Variants in RBM14 observed in about 807,000 individuals in gnomAD.
RBM14 encodes RNA binding motif protein 14.
In RBM14, 5 loss-of-function variants were observed where a neutral mutation model predicts 52.8. The observed-to-expected ratio is 0.09, with a 90% CI of 0.05 to 0.20. The LOEUF (loss-of-function observed/expected upper bound fraction) is 0.20, where lower values mean the gene tolerates loss of function less well. Ranked by LOEUF, RBM14 falls within the 10% of genes least tolerant of loss-of-function variation. The probability of loss-of-function intolerance (pLI) is 1.00; values close to 1 mark genes in which losing one functional copy is unlikely to be tolerated. For synonymous variants in RBM14, 411 were observed against 401.8 expected (o/e 1.02, Z -0.28); for missense variants, 780 against 926.6 (o/e 0.84, Z 2.05).
Position 66,629,425 on chromosome 11 carries a change from T to C in RBM14, c.*2757T>C, listed in dbSNP as rs556452673. ...TGTGTGCATGGTGGGCTTGAGACTC[T>C]CTTGTAATGGAGGTAATGGGACTAT... is the stretch of plus-strand genomic sequence containing the variant. On this transcript the variant is annotated 3_prime_UTR_variant, in exon 3 of 3. Coordinates refer to ENST00000310137, the MANE Select transcript of RBM14 (RefSeq NM_006328.4). Among the ~76,000 whole-genome samples, 2 of 152,188 alleles carry C rather than the reference T, an allele frequency of 1.3e-5. No individual in the cohort carries two copies. Among genetic ancestry groups the C allele is most frequent in the East Asian group, 1.9e-4 (1 of 5,196 alleles).
rs941048301 is a variant in RBM14, at chr11:66,628,257, A to T, written c.*1589A>T. ...GTAAATGGAAGACTGGTTGAGTGGG[A>T]TGATAATGGGAGAACTTACTGATGC... On this transcript the variant is annotated 3_prime_UTR_variant, in exon 3 of 3. Transcript: ENST00000310137. Among the ~76,000 whole-genome samples the T allele has an allele frequency of 1.3e-5, 2 of 152,070 alleles. No homozygotes were observed. The highest frequency in any genetic ancestry group is 4.8e-5 in the African/African-American group (2 of 41,394).
chr11:66,617,350 TTCTCCTGG>T (rs1858886776), intron 1 of RBM14: 5 of 1,241,470 alleles, frequency 4.0e-6, no homozygotes, highest in African/African-American at 1.6e-5. Flanking sequence ...GGGGCGCGCC[TTCTCCTGG>T]TCTCCTGGGC....
Position 66,624,772 on chromosome 11 carries a change from C to T in RBM14, c.896C>T (p.Ala299Val), listed in dbSNP as rs780935422. ...LASPSSQSAA[A>V]SSLGPYGGAQ... The stretch of plus-strand genomic sequence containing the variant: ...AGTCCTAGCTCCCAGTCTGCTGCAG[C>T]TTCTTCACTCGGCCCATATGGTGGA... Residue 299 changes from alanine to valine, a missense_variant, in exon 2 of 3, where the codon GCT becomes GTT. Physicochemically the swap from Ala to Val is moderately conservative, Grantham distance 64 (BLOSUM62 0). Coordinates refer to ENST00000310137, the MANE Select transcript of RBM14 (RefSeq NM_006328.4). This position sits in a 1 kb window ranked among gnomAD's most constrained non-coding sequence, Gnocchi z 4.7. 1.8e-5 allele frequency: 29 copies of T among 1,613,988 alleles called. No homozygotes were observed. Among genetic ancestry groups the T allele is most frequent in the East Asian group, 1.8e-4 (8 of 44,888 alleles).
At position 66,624,440 on chromosome 11, in the gene RBM14, G is replaced by A. The variant is rs1413653282; in HGVS notation, c.564G>A (p.Gln188=). The A allele has an allele frequency of 3.1e-6, 5 of 1,614,008 alleles. No individual in the cohort carries two copies. In the Admixed American group the frequency reaches 6.7e-5, roughly 22 times the overall value. Residue 188 remains glutamine, a synonymous_variant, in exon 2 of 3, where the codon CAG becomes CAA. Coordinates refer to ENST00000310137, the MANE Select transcript of RBM14 (RefSeq NM_006328.4). The surrounding 1 kb of genome is among the most constrained non-coding windows in gnomAD (Gnocchi z 4.7). The part of the protein sequence containing the change: ...TGGFSATFDY[Q]QAFGNSTGGF... The stretch of plus-strand genomic sequence containing the variant: ...GCTTCTCTGCCACCTTCGACTACCA[G>A]CAGGCTTTTGGCAACAGCACTGGTG...
chr11:66,618,395 C>T (rs757164625), intron 1 of RBM14: 5 of 676,036 alleles, frequency 7.4e-6, no homozygotes, highest in African/African-American at 1.8e-5. Context: ...GGGGCCATTC[C>T]TAGTCCTTTA....
rs561483786 is a variant in RBM14, at chr11:66,624,129, G to C, written c.338-85G>C. The C allele has an allele frequency of 3.2e-6, 5 of 1,540,628 alleles. No individual in the cohort carries two copies. The highest frequency in any genetic ancestry group is 4.4e-6 in the Non-Finnish European group (5 of 1,143,038). On this transcript the variant is annotated intron_variant, in intron 1 of 2. Transcript: ENST00000310137. This position sits in a 1 kb window ranked among gnomAD's most constrained non-coding sequence, Gnocchi z 4.7. Reference sequence around the variant, plus strand: ...CTTGGAGGTAGCTGGCAACAGCTGGGTGCTGTTGTGTGTCCAATTTGGGAC... The same window carrying C: ...CTTGGAGGTAGCTGGCAACAGCTGGCTGCTGTTGTGTGTCCAATTTGGGAC...
At position 66,624,717 on chromosome 11, in the gene RBM14, C is replaced by G; in HGVS notation, c.841C>G (p.Leu281Val). The change falls in exon 2 of 3, where the codon CTT (leucine) becomes GTT (valine). Residue 281 changes from leucine (L) to valine (V), a missense_variant. This residue lies in a region of RBM14 where 675 missense variants were observed against 697.3 expected (regional missense o/e 0.97). Coordinates refer to ENST00000310137, the MANE Select transcript of RBM14 (RefSeq NM_006328.4). This position sits in a 1 kb window ranked among gnomAD's most constrained non-coding sequence, Gnocchi z 4.7. ...ASYRAQPSVS[L>V]GAPYRGQLAS... ...TTACCGCGCTCAGCCCTCTGTCTCC[C>G]TTGGGGCACCATACAGGGGCCAGCT... The G allele has an allele frequency of 6.2e-7, 1 of 1,613,914 alleles. No homozygotes were observed. The highest frequency in any genetic ancestry group is 8.5e-7 in the Non-Finnish European group (1 of 1,179,956).
Position 66,624,344 on chromosome 11 carries a change from CCTG to C in RBM14, c.469_471del (p.Leu157del). On this transcript the variant is annotated inframe_deletion, in exon 2 of 3. Coordinates refer to ENST00000310137, the MANE Select transcript of RBM14 (RefSeq NM_006328.4). The surrounding 1 kb of genome is among the most constrained non-coding windows in gnomAD (Gnocchi z 4.7). ...CCAAGGGTCAGAAGAAGGGGCCTGG[CCTG>C]GCTGTCCAGTCTGGGGACAAGACCA... 1 of 1,614,156 alleles carries C rather than the reference CCTG, an allele frequency of 6.2e-7. No individual in the cohort carries two copies. The highest frequency in any genetic ancestry group is 1.1e-5 in the South Asian group (1 of 91,088).
chr11:66,617,193 GGGGCGCGTTGGGTA>G, intron 1 of RBM14, 136 bp downstream of exon 1: 1 of 1,440,808 alleles, frequency 6.9e-7, no homozygotes, highest in Non-Finnish European at 9.1e-7. Flanking sequence ...GGAGGTGTTG[GGGGCGCGTTGGGTA>G]GAGCCACCCT....
At position 66,627,454 on chromosome 11, in the gene RBM14, A is replaced by C. The variant is rs967162016; in HGVS notation, c.*786A>C. 2 of 152,182 alleles carry C rather than the reference A, an allele frequency of 1.3e-5. No homozygotes were observed. The highest frequency in any genetic ancestry group is 1.3e-4 in the Admixed American group (2 of 15,272). 9.4% of individuals were successfully genotyped at this position (152,182 alleles called of 1,614,324 possible). ...TCAGAGAACCCAGGACTGGTGAGGA[A>C]AGGGGTTTGAATGTCGGAATTAGAA... On this transcript the variant is annotated 3_prime_UTR_variant, in exon 3 of 3. Coordinates refer to ENST00000310137, the MANE Select transcript of RBM14 (RefSeq NM_006328.4).
chr11:66,626,363 A>G, intron 2 of RBM14, 98 bp from the exon 3 acceptor site: 3 of 1,224,576 alleles, frequency 2.4e-6, no homozygotes, highest in African/African-American at 1.5e-5. Context: ...GACCACTGTG[A>G]TCACACCCTC....
chr11:66,625,603 A>T lies in RBM14; in HGVS notation c.1727A>T (p.Tyr576Phe). The change falls in exon 2 of 3, where the codon TAT (tyrosine) becomes TTT (phenylalanine). Residue 576 changes from tyrosine (Y) to phenylalanine (F), a missense_variant. By Grantham distance (22) the Tyr-to-Phe change is conservative (BLOSUM62 3). Transcript: ENST00000310137. This position sits in a 1 kb window ranked among gnomAD's most constrained non-coding sequence, Gnocchi z 4.2. ...AACGCCAACAGCACCCCGCCGCCCT[A>T]TGAGCGTACCCGCCTCTCCCCACCC... ...VANANSTPPP[Y>F]ERTRLSPPRA... 2 of 1,609,582 alleles carry T rather than the reference A, an allele frequency of 1.2e-6. No homozygotes were observed. The highest frequency in any genetic ancestry group is 1.7e-6 in the Non-Finnish European group (2 of 1,179,550).
intron 1 of RBM14, among the ~76,000 whole-genome samples, chr11:66,617,814 C>T (rs1273009980): frequency 6.6e-6 from 1 of 152,182 alleles, no homozygotes; most frequent in Non-Finnish European, 1.5e-5. Flanking sequence ...TTATGAAGTC[C>T]CCTTCTGCGT....
chr11:66,617,412 T>A, intron 1 of RBM14: 1 of 1,096,130 alleles, frequency 9.1e-7, no homozygotes, highest in Non-Finnish European at 1.1e-6. Context: ...ACAAGCCGGA[T>A]CATGAAGCGG....
rs1230053786 is a variant in RBM14 at position 66,627,041 on chromosome 11, TTTTC to T, written c.*377_*380del. Reference sequence around the variant, plus strand: ...CCTGCAGCTGAGGTCGCCGGCGCCTTTTTCTTTTTAGATGGGAAGGAGGCCAGGA... The same window carrying T: ...CCTGCAGCTGAGGTCGCCGGCGCCTTTTTTTAGATGGGAAGGAGGCCAGGA... On this transcript the variant is annotated 3_prime_UTR_variant, in exon 3 of 3. Coordinates refer to ENST00000310137, the MANE Select transcript of RBM14 (RefSeq NM_006328.4). The T allele has an allele frequency of 5.5e-6, 1 of 180,412 alleles. No individual in the cohort carries two copies. The allele number at this position is 180,412 out of a possible 1,614,324, so 11.2% of individuals were successfully genotyped here.
At position 66,629,829 on chromosome 11, in the gene RBM14, C is replaced by T. The variant is rs553968541; in HGVS notation, c.*3161C>T. ...GGTAGCTCACACCTGTAATTCCCAGCGCTTTGGGAATTTGAGGCAAGAGGA... is the reference window on the plus strand; with the variant it reads ...GGTAGCTCACACCTGTAATTCCCAGTGCTTTGGGAATTTGAGGCAAGAGGA... On this transcript the variant is annotated 3_prime_UTR_variant, in exon 3 of 3. Transcript: ENST00000310137. Among the ~76,000 whole-genome samples the T allele has an allele frequency of 5.9e-5, 9 of 151,894 alleles. No individual in the cohort carries two copies. Among genetic ancestry groups the T allele is most frequent in the Admixed American group, 3.3e-4 (5 of 15,236 alleles).
chr11:66,628,672 T>C lies in RBM14; in HGVS notation c.*2004T>C, dbSNP rs955087055. Among the ~76,000 whole-genome samples, 1 of 152,182 alleles carries C rather than the reference T, an allele frequency of 6.6e-6. No individual in the cohort carries two copies. Among genetic ancestry groups the C allele is most frequent in the Admixed American group, 6.5e-5 (1 of 15,270 alleles). On this transcript the variant is annotated 3_prime_UTR_variant, in exon 3 of 3. Transcript: ENST00000310137. ...GGATTTTGATAAGTTTCTTGTTCTC[T>C]GCGTGGTGATGGGGTGGTCTGAGGG...
chr11:66,624,850 C>T lies in RBM14; in HGVS notation c.974C>T (p.Ala325Val), dbSNP rs1384706988. ...LSSYGGQAAA[A>V]SSLNSYGAQG... ...TCCTATGGGGGTCAGGCAGCTGCAG[C>T]TTCTTCGCTCAACTCCTATGGGGCT... Residue 325 changes from alanine to valine, a missense_variant, in exon 2 of 3, where the codon GCT becomes GTT. Around this residue, in one of 4 missense-constraint regions of RBM14, gnomAD observed 675 missense variants for 697.3 expected, o/e 0.97. Coordinates refer to ENST00000310137, the MANE Select transcript of RBM14 (RefSeq NM_006328.4). This position sits in a 1 kb window ranked among gnomAD's most constrained non-coding sequence, Gnocchi z 4.7. 6.2e-7 allele frequency: 1 copy of T among 1,613,970 alleles called. No individual in the cohort carries two copies. Among genetic ancestry groups the T allele is most frequent in the East Asian group, 2.2e-5 (1 of 44,868 alleles).
At position 66,616,928 on chromosome 11, in the gene RBM14, A is replaced by T; in HGVS notation, c.208A>T (p.Met70Leu). 7 of 1,611,732 alleles carry T rather than the reference A, an allele frequency of 4.3e-6. No individual in the cohort carries two copies. The highest frequency in any genetic ancestry group is 5.9e-6 in the Non-Finnish European group (7 of 1,179,352). The stretch of plus-strand genomic sequence containing the variant: ...GCCGGGGCGCGCGCTCGTGGTGGAG[A>T]TGTCGCGCCCAAGGCCTCTTAATAC... ...LRPGRALVVE[M>L]SRPRPLNTWK... Residue 70 changes from methionine (M) to leucine (L), a missense_variant, in exon 1 of 3, where the codon ATG becomes TTG. This residue lies in a region of RBM14 where 71 missense variants were observed against 119.2 expected (regional missense o/e 0.60). Coordinates refer to ENST00000310137, the MANE Select transcript of RBM14 (RefSeq NM_006328.4).
Sources: allele counts gnomAD v4.1 joint callset (sites outside exome capture counted in the v4.1 genomes callset), GRCh38; gene constraint gnomAD v4.1.1; regional missense constraint gnomAD v4.1.1; non-coding constraint Gnocchi (gnomAD v3.1); transcripts MANE v1.5; gene names NCBI Gene and HGNC (gene_info 2026-07-23, HGNC 2026-07-21).